SUPT20H: variants seen among roughly 807,000 people sequenced by gnomAD.
SUPT20H encodes SPT20 homolog, SAGA complex component, also known as transcription factor SPT20 homolog.
A neutral mutation model predicts 122.8 loss-of-function variants in SUPT20H; 82 were observed. The observed-to-expected ratio is 0.67, with a 90% CI of 0.56 to 0.80. The LOEUF is 0.80. Ranked by LOEUF, SUPT20H falls within the 30% of genes least tolerant of loss-of-function variation. The pLI, the probability that SUPT20H is intolerant of heterozygous loss-of-function variation, is 0.00. For missense variants in SUPT20H, 831 were observed against 921.6 expected (o/e 0.90, Z 1.27); for synonymous variants, 291 against 313.0 (o/e 0.93, Z 0.74).
intron 1 of SUPT20H, among the ~76,000 whole-genome samples, chr13:37,057,387 T>G (rs1305794103): frequency 6.6e-6 from 1 of 152,056 alleles, no homozygotes; most frequent in Admixed American, 6.6e-5. Context: ...TTCACCTAAC[T>G]TCATGTAACC....
rs1261458232 is a variant in SUPT20H at position 37,024,388 on chromosome 13, G to C, written c.1384C>G (p.Arg462Gly). The C allele has an allele frequency of 6.3e-7, 1 of 1,591,938 alleles. No individual in the cohort carries two copies. Among genetic ancestry groups the C allele is most frequent in the Non-Finnish European group, 8.5e-7 (1 of 1,172,192 alleles). Reference sequence around the variant, plus strand: ...GAGGGAAGTTTGATTGGTGGGGGTCGATGTTTTACACCCTTCCCCAATACC... The same window carrying C: ...GAGGGAAGTTTGATTGGTGGGGGTCCATGTTTTACACCCTTCCCCAATACC... Reference protein sequence around the residue: ...SSVLGKGVKHRPPPIKLPSSS... With the variant: ...SSVLGKGVKHGPPPIKLPSSS... Residue 462 changes from arginine (R) to glycine (G), a missense_variant, in exon 18 of 26, where the codon CGA (arginine) becomes GGA (glycine). Arg to Gly is a moderately radical substitution (Grantham distance 125). Coordinates refer to ENST00000350612, the MANE Select transcript of SUPT20H (RefSeq NM_001014286.3).
At chr13:37,028,703 T>A (rs1330502658) in intron 13 of SUPT20H, among the ~76,000 whole-genome samples, 1 of 151,962 alleles carries the variant, frequency 6.6e-6, no homozygotes, top group Non-Finnish European at 1.5e-5. Flanking sequence ...TGTTATTACC[T>A]CCGTATTAGA....
chr13:37,012,967 C>T (rs1593805198), intron 23 of SUPT20H: 1 of 151,994 alleles, frequency 6.6e-6, no homozygotes, highest in East Asian at 1.9e-4. Flanking sequence ...AAAACATTGA[C>T]TTTGGTCTAG....
chr13:37,023,255 A>G (rs951851524), intron 19 of SUPT20H, among the ~76,000 whole-genome samples: 5 of 152,314 alleles, frequency 3.3e-5, no homozygotes, highest in Middle Eastern at 3.4e-3. Flanking sequence ...GAAGATGTTT[A>G]TATCTAATGC....
chr13:37,025,515 G>T (rs1178308321), intron 16 of SUPT20H, 78 bp from the exon 17 acceptor site: 7 of 912,860 alleles, frequency 7.7e-6, no homozygotes, highest in Non-Finnish European at 1.2e-5. Context: ...AAAGAATAAT[G>T]ACTATTAATG....
chr13:37,042,411 C>G (rs1377442745), intron 7 of SUPT20H, among the ~76,000 whole-genome samples: 1 of 152,102 alleles, frequency 6.6e-6, no homozygotes, highest in Non-Finnish European at 1.5e-5. Flanking sequence ...TGGCTGAAAT[C>G]ATTCAGGGAG....
intron 19 of SUPT20H, chr13:37,023,720 A>C (rs1333589920): frequency 1.0e-5 from 2 of 192,390 alleles, no homozygotes; most frequent in East Asian, 2.5e-4. Flanking sequence ...GGTACACTGG[A>C]ATAAAAAATA....
intron 23 of SUPT20H, 22 bp downstream of exon 23, chr13:37,017,223 T>C (rs1209715831): frequency 1.9e-6 from 3 of 1,613,960 alleles, no homozygotes; most frequent in Non-Finnish European, 2.5e-6. Flanking sequence ...TAAAAGCATA[T>C]GGAAGGCTAG....
At chr13:37,020,249 A>G (rs2061283657) in intron 21 of SUPT20H, among the ~76,000 whole-genome samples, 1 of 152,078 alleles carries the variant, frequency 6.6e-6, no homozygotes, top group Non-Finnish European at 1.5e-5. Context: ...CACATGTAAC[A>G]CTAGCGAAGC....
At chr13:37,036,054 T>C (rs906439351) in intron 9 of SUPT20H, among the ~76,000 whole-genome samples, 7 of 152,308 alleles carry the variant, frequency 4.6e-5, no homozygotes, top group Middle Eastern at 3.4e-3. Context: ...AACTTCACTG[T>C]TGTCTTTCAA....
intron 9 of SUPT20H, chr13:37,038,494 TC>T (rs1383557589): frequency 6.6e-6 from 1 of 152,218 alleles, no homozygotes; most frequent in Admixed American, 6.5e-5. Flanking sequence ...TAGCTTTTAA[TC>T]TTTTTGTAGA....
rs2059215858 is a variant in SUPT20H, at chr13:37,009,486, A to G, written c.*186T>C. On this transcript the variant is annotated 3_prime_UTR_variant, in exon 26 of 26. Transcript: ENST00000350612. Reference sequence around the variant, plus strand: ...TAAAAAGCAATGACTTAGGCAAACCAACCCTAGTTTGTTAAACCATTTCCC... The same window carrying G: ...TAAAAAGCAATGACTTAGGCAAACCGACCCTAGTTTGTTAAACCATTTCCC... The G allele has an allele frequency of 4.7e-6, 4 of 849,672 alleles. No homozygotes were observed. Among genetic ancestry groups the G allele is most frequent in the Middle Eastern group, 3.6e-4 (1 of 2,792 alleles). The allele number at this position is 849,672 out of a possible 1,614,324, so 52.6% of individuals were successfully genotyped here. A position where few individuals can be genotyped will look rare whatever the true frequency, so the allele number is the denominator to read the frequency against.
chr13:37,011,469 T>G (rs960756855), intron 24 of SUPT20H, among the ~76,000 whole-genome samples: 1 of 152,198 alleles, frequency 6.6e-6, no homozygotes, highest in African/African-American at 2.4e-5. Context: ...AAAGGCATCA[T>G]AGTAAGCCCA....
chr13:37,031,998 T>C (rs1322456137), intron 10 of SUPT20H, 103 bp from the exon 11 acceptor site: 9 of 1,032,272 alleles, frequency 8.7e-6, no homozygotes, highest in Middle Eastern at 2.6e-4. Context: ...ATCGTGTTTA[T>C]AGAACACTGC....
intron 2 of SUPT20H, among the ~76,000 whole-genome samples, chr13:37,049,097 A>G (rs1178495018): frequency 2.0e-5 from 3 of 152,186 alleles, no homozygotes; most frequent in African/African-American, 7.2e-5. Flanking sequence ...TAGAAAGAAT[A>G]AATGATGGCT....
At chr13:37,032,331 GA>G (rs1283749457) in intron 10 of SUPT20H, among the ~76,000 whole-genome samples, 1 of 152,062 alleles carries the variant, frequency 6.6e-6, no homozygotes, top group African/African-American at 2.4e-5. Context: ...GAGTGAAGGG[GA>G]TAACTTCCAG....
rs1207847762 is a variant in SUPT20H at position 37,010,582 on chromosome 13, AGAG to A, written c.2169_2171del (p.Ser724del). The A allele has an allele frequency of 2.6e-5, 42 of 1,613,814 alleles. No homozygotes were observed. The highest frequency in any genetic ancestry group is 3.5e-5 in the Non-Finnish European group (41 of 1,179,892). On this transcript the variant is annotated inframe_deletion, in exon 25 of 26. Transcript: ENST00000350612. ...TCTGTTGCTGCTGCTGTTGAAAGGC[AGAG>A]GAGAGCTGGAATCTCTGCTGAGGAA... is the stretch of plus-strand genomic sequence containing the variant.
intron 7 of SUPT20H, 62 bp from the exon 8 acceptor site, chr13:37,040,754 A>G (rs1376487730): frequency 1.6e-6 from 2 of 1,259,242 alleles, no homozygotes; most frequent in Admixed American, 3.5e-5. Flanking sequence ...AAGTGGGTTT[A>G]TATCAAACAT....
chr13:37,013,366 T>C (rs747341265), intron 23 of SUPT20H: 9 of 152,072 alleles, frequency 5.9e-5, no homozygotes, highest in Admixed American at 2.0e-4. Flanking sequence ...CTGTTTTTTT[T>C]CTTTGTTGTT....
Sources: gnomAD v4.1 joint callset for allele counts (sites outside exome capture counted in the v4.1 genomes callset) on GRCh38, gnomAD v4.1.1 for gene constraint, MANE v1.5 for transcripts, NCBI Gene and HGNC (gene_info 2026-07-23, HGNC 2026-07-21) for gene names.